GAP43: variants seen among roughly 807,000 people sequenced by gnomAD.
GAP43 encodes the protein neuromodulin.
A neutral mutation model predicts 18.6 loss-of-function variants in GAP43; 6 were observed. That is an observed-to-expected ratio of 0.32 (90% CI 0.18 to 0.64). The LOEUF is 0.64. Ranked by LOEUF, GAP43 falls within the 30% of genes least tolerant of loss-of-function variation. The pLI is 0.78. For synonymous variants in GAP43, 115 were observed against 111.4 expected (o/e 1.03, Z -0.20); for missense variants, 292 against 295.5 (o/e 0.99, Z 0.09).
chr3:115,689,958 G>A (rs748484208), intron 2 of GAP43, among the ~76,000 whole-genome samples: 17 of 152,308 alleles, frequency 1.1e-4, no homozygotes, highest in Non-Finnish European at 1.9e-4. Context: ...TGAAGAGCAG[G>A]GGAAGGCACT....
At chr3:115,671,787 T>G (rs1708817485) in intron 1 of GAP43, among the ~76,000 whole-genome samples, 1 of 152,226 alleles carries the variant, frequency 6.6e-6, no homozygotes, top group East Asian at 1.9e-4. Context: ...AGCTGACTTT[T>G]TAGCCATTAG....
chr3:115,652,584 T>C (rs6807212), intron 1 of GAP43, among the ~76,000 whole-genome samples: 111,642 of 151,518 alleles, frequency 0.74, 41,231 homozygotes, highest in Middle Eastern at 0.8. Context: ...GACAGGTTCT[T>C]GCTCTTGCCC....
At chr3:115,646,228 A>G (rs1024737942) in intron 1 of GAP43, among the ~76,000 whole-genome samples, 1 of 152,116 alleles carries the variant, frequency 6.6e-6, no homozygotes, top group African/African-American at 2.4e-5. Flanking sequence ...TTTGTGACCT[A>G]TAAAGATTTT....
At chr3:115,713,175 T>A (rs1559808165) in intron 2 of GAP43, among the ~76,000 whole-genome samples, 1 of 152,050 alleles carries the variant, frequency 6.6e-6, no homozygotes, top group East Asian at 1.9e-4. Context: ...AAGATTTTTA[T>A]TATTATTATT....
chr3:115,690,692 C>T (rs1709097198), intron 2 of GAP43, among the ~76,000 whole-genome samples: 1 of 150,616 alleles, frequency 6.6e-6, no homozygotes, highest in Non-Finnish European at 1.5e-5. Flanking sequence ...ACTTTTGATC[C>T]TCATACTCTC....
intron 2 of GAP43, among the ~76,000 whole-genome samples, chr3:115,701,430 C>T (rs1183638416): frequency 6.6e-6 from 1 of 151,974 alleles, no homozygotes; most frequent in African/African-American, 2.4e-5. Flanking sequence ...GGCTCACCAC[C>T]AAGTCAAATG....
In GAP43 at chr3:115,713,173, TA is replaced by T. The variant is rs1192702739; in HGVS notation, c.629-7620del. Among the ~76,000 whole-genome samples the T allele has an allele frequency of 7.2e-5, 11 of 152,040 alleles. No individual in the cohort carries two copies. In the East Asian group the frequency reaches 2.1e-3, roughly 29 times the overall value. On this transcript the variant is annotated intron_variant, in intron 2 of 2. Coordinates refer to ENST00000305124, the MANE Select transcript of GAP43 (RefSeq NM_002045.4). ...ATGTGAGTTAGCTGCCAAAGATTTT[TA>T]TTATTATTATTATTACTTTCCTTTG...
chr3:115,676,435 G>A lies in GAP43; in HGVS notation c.453G>A (p.Ser151=), dbSNP rs200116304. 3.6e-4 allele frequency: 589 copies of A among 1,613,918 alleles called. 3 individuals carry two copies. The highest frequency in any genetic ancestry group is 2.0e-3 in the South Asian group (179 of 91,056). The change falls in exon 2 of 3, where the codon TCG becomes TCA. Residue 151 remains serine, a synonymous_variant. Transcript: ENST00000305124. The stretch of plus-strand genomic sequence containing the variant: ...CCACTAAAGCTTCCACTGATAACTC[G>A]CCGTCCTCCAAGGCTGAAGATGCCC... ...ESATKASTDN[S]PSSKAEDAPA... is the part of the protein sequence containing the mutation.
chr3:115,628,114 CT>C (rs1708214344), intron 1 of GAP43, among the ~76,000 whole-genome samples: 1 of 151,916 alleles, frequency 6.6e-6, no homozygotes, highest in Non-Finnish European at 1.5e-5. Flanking sequence ...CAATTTGAGG[CT>C]TGTCTTAGAG....
At chr3:115,713,915 T>C (rs1363149346) in intron 2 of GAP43, among the ~76,000 whole-genome samples, 1 of 152,218 alleles carries the variant, frequency 6.6e-6, no homozygotes, top group East Asian at 1.9e-4. Context: ...TTCATTCAAA[T>C]TAGTCAGCTT....
intron 1 of GAP43, among the ~76,000 whole-genome samples, chr3:115,670,903 A>G (rs990062770): frequency 2.6e-5 from 4 of 152,240 alleles, no homozygotes; most frequent in Non-Finnish European, 5.9e-5. Context: ...ATTTTGGTTT[A>G]CTAAAGATGT....
chr3:115,696,674 AG>A (rs1391184770), intron 2 of GAP43, among the ~76,000 whole-genome samples: 1 of 147,610 alleles, frequency 6.8e-6, no homozygotes, highest in Non-Finnish European at 1.5e-5. Context: ...AAATTTATAG[AG>A]TTCACTCTCT....
chr3:115,670,153 G>A (rs1464071874), intron 1 of GAP43, among the ~76,000 whole-genome samples: 2 of 60,804 alleles, frequency 3.3e-5, no homozygotes, highest in South Asian at 5.5e-4. Flanking sequence ...CCCCTCCCCC[G>A]ACCCCACCAC....
At chr3:115,697,183 A>T (rs1422948766) in intron 2 of GAP43, among the ~76,000 whole-genome samples, 1 of 99,812 alleles carries the variant, frequency 1.0e-5, no homozygotes, top group Non-Finnish European at 1.9e-5. Context: ...AATATATTAT[A>T]CATTACATTT....
At chr3:115,700,718 C>G (rs1477703381) in intron 2 of GAP43, among the ~76,000 whole-genome samples, 1 of 152,132 alleles carries the variant, frequency 6.6e-6, no homozygotes, top group Non-Finnish European at 1.5e-5. Context: ...AAATTTATTG[C>G]TACACTTTCC....
rs558707200 is a variant in GAP43 at position 115,676,243 on chromosome 3, T to G, written c.261T>G (p.Thr87=). The part of the protein sequence containing the change: ...GVEKKGEGTT[T]AEAAPATGSK... ...AGAAGAAGGGAGAAGGCACCACTAC[T>G]GCCGAAGCAGCCCCAGCCACTGGCT... The change falls in exon 2 of 3, where the codon ACT becomes ACG. Residue 87 remains threonine (T), a synonymous_variant. Coordinates refer to ENST00000305124, the MANE Select transcript of GAP43 (RefSeq NM_002045.4). 14 of 1,614,096 alleles carry G rather than the reference T, an allele frequency of 8.7e-6. No homozygotes were observed. In the African/African-American group the frequency reaches 1.6e-4, roughly 18 times the overall value.
At chr3:115,652,389 A>ATTTTTTTTTTTTTTTTT (rs1708531283) in intron 1 of GAP43, among the ~76,000 whole-genome samples, 2 of 25,588 alleles carry the variant, frequency 7.8e-5, no homozygotes, top group African/African-American at 2.3e-4. Flanking sequence ...TTTTTTTGTG[A>ATTTTTTTTTTTTTTTTT]TAGAGTCTTG....
intron 1 of GAP43, among the ~76,000 whole-genome samples, chr3:115,625,122 T>G (rs1025366032): frequency 1.3e-5 from 2 of 150,562 alleles, no homozygotes; most frequent in Non-Finnish European, 3.0e-5. Flanking sequence ...GAAGGAAGGG[T>G]GGGGAGTGAG....
At chr3:115,698,210 TAAAATATATA>T (rs1709240394) in intron 2 of GAP43, among the ~76,000 whole-genome samples, 6 of 22,152 alleles carry the variant, frequency 2.7e-4, no homozygotes, top group African/African-American at 9.6e-4. Flanking sequence ...ATATATTATA[TAAAATATATA>T]ATATATAATA....
Sources: gnomAD v4.1 joint callset for allele counts (sites outside exome capture counted in the v4.1 genomes callset) on GRCh38, gnomAD v4.1.1 for gene constraint, MANE v1.5 for transcripts, NCBI Gene and HGNC (gene_info 2026-07-23, HGNC 2026-07-21) for gene names.